Variants in LEF1 observed in about 807,000 individuals in gnomAD.
The protein encoded by LEF1 is lymphoid enhancer binding factor 1, also known as lymphoid enhancer-binding factor 1.
In LEF1, 14 loss-of-function variants were observed where a neutral mutation model predicts 51.2. The ratio of observed to expected loss-of-function variants is 0.27; its 90% CI spans 0.18 to 0.43. The LOEUF (loss-of-function observed/expected upper bound fraction) is 0.43, where lower values mean the gene tolerates loss of function less well. Ranked by LOEUF, LEF1 falls within the 20% of genes least tolerant of loss-of-function variation. The probability of loss-of-function intolerance (pLI) is 1.00; values close to 1 mark genes in which losing one functional copy is unlikely to be tolerated. For missense variants in LEF1, 386 were observed against 512.0 expected (o/e 0.75, Z 2.37); for synonymous variants, 185 against 183.2 (o/e 1.01, Z -0.08).
chr4:108,119,797 G>C (rs1356733138), intron 3 of LEF1, among the ~76,000 whole-genome samples: 1 of 152,024 alleles, frequency 6.6e-6, no homozygotes, highest in African/African-American at 2.4e-5. Flanking sequence ...TTATAATCTT[G>C]AAAATTACTG....
At chr4:108,065,538 C>G (rs6831587) in intron 9 of LEF1, among the ~76,000 whole-genome samples, 1 of 152,052 alleles carries the variant, frequency 6.6e-6, no homozygotes, top group African/African-American at 2.4e-5. Flanking sequence ...TTTGATGTGC[C>G]GTTTCTCAGG....
chr4:108,054,790 A>G (rs972538318), intron 11 of LEF1, among the ~76,000 whole-genome samples: 1 of 152,272 alleles, frequency 6.6e-6, no homozygotes, highest in South Asian at 2.1e-4. Context: ...TAGATTCACA[A>G]AAACGATATA....
chr4:108,048,754 CAAG>C lies in LEF1; in HGVS notation c.*7-6_*7-4del. On this transcript the variant is annotated splice_region_variant and splice_polypyrimidine_tract_variant and intron_variant, in intron 11 of 11. Coordinates refer to ENST00000265165, the MANE Select transcript of LEF1 (RefSeq NM_016269.5). ...TGGGAATGAGCTTCGTTTTCCACCT[CAAG>C]AAGGAACAAATGAAATGCTATTAAT... is the stretch of plus-strand genomic sequence containing the variant. 6.3e-7 allele frequency: 1 copy of C among 1,596,676 alleles called. No individual in the cohort carries two copies. The highest frequency in any genetic ancestry group is 1.7e-4 in the Middle Eastern group (1 of 6,000).
chr4:108,118,004 A>G (rs1477812369), intron 3 of LEF1, among the ~76,000 whole-genome samples: 1 of 152,216 alleles, frequency 6.6e-6, no homozygotes, highest in Non-Finnish European at 1.5e-5. Flanking sequence ...ATAAATGTTC[A>G]GTCCCAATGA....
chr4:108,097,460 G>T (rs1740470584), intron 3 of LEF1, among the ~76,000 whole-genome samples: 1 of 152,172 alleles, frequency 6.6e-6, no homozygotes, highest in Admixed American at 6.6e-5. Context: ...GGGTGAGTGG[G>T]GATGGTTAAT....
intron 3 of LEF1, among the ~76,000 whole-genome samples, chr4:108,147,316 A>G (rs1744055301): frequency 6.6e-6 from 1 of 152,210 alleles, no homozygotes. Flanking sequence ...TCAAATTTGC[A>G]TAGACATTAT....
intron 3 of LEF1, among the ~76,000 whole-genome samples, chr4:108,134,079 G>A (rs1743081825): frequency 6.6e-6 from 1 of 151,124 alleles, no homozygotes; most frequent in South Asian, 2.1e-4. Context: ...TCGCAGTGAA[G>A]CATATAAATA....
At chr4:108,113,945 A>G (rs1470897447) in intron 3 of LEF1, among the ~76,000 whole-genome samples, 1 of 152,228 alleles carries the variant, frequency 6.6e-6, no homozygotes, top group Non-Finnish European at 1.5e-5. Flanking sequence ...AAAAACCACT[A>G]TATGAAGACA....
chr4:108,130,695 A>G (rs1419123148), intron 3 of LEF1, among the ~76,000 whole-genome samples: 1 of 150,872 alleles, frequency 6.6e-6, no homozygotes, highest in East Asian at 2.0e-4. Flanking sequence ...ATGCCACTGC[A>G]CTCCAGCCTG....
chr4:108,126,775 A>G (rs1466816204), intron 3 of LEF1, among the ~76,000 whole-genome samples: 3 of 144,614 alleles, frequency 2.1e-5, no homozygotes, highest in African/African-American at 7.6e-5. Flanking sequence ...AATATAGTCC[A>G]GTCTGGGTGA....
At chr4:108,129,016 C>A (rs139216093) in intron 3 of LEF1, among the ~76,000 whole-genome samples, 3 of 152,124 alleles carry the variant, frequency 2.0e-5, no homozygotes, top group Admixed American at 2.0e-4. Flanking sequence ...GGAAAAATCC[C>A]GGAGAGGGTC....
chr4:108,130,159 T>C (rs1255117998), intron 3 of LEF1, among the ~76,000 whole-genome samples: 2 of 152,098 alleles, frequency 1.3e-5, no homozygotes, highest in Non-Finnish European at 2.9e-5. Context: ...ACTCCCTTCA[T>C]ACAAGGACAT....
chr4:108,070,089 A>G (rs1023150844), intron 9 of LEF1, among the ~76,000 whole-genome samples: 18 of 152,186 alleles, frequency 1.2e-4, no homozygotes, highest in Non-Finnish European at 2.4e-4. Context: ...CATTGAAGGA[A>G]TATTTACATT....
At chr4:108,125,991 T>C (rs984534425) in intron 3 of LEF1, among the ~76,000 whole-genome samples, 1 of 152,220 alleles carries the variant, frequency 6.6e-6, no homozygotes, top group Non-Finnish European at 1.5e-5. Context: ...GTTTAAGTAC[T>C]TAGATGTACA....
intron 9 of LEF1, among the ~76,000 whole-genome samples, chr4:108,067,891 G>A (rs1738186259): frequency 6.6e-6 from 1 of 152,080 alleles, no homozygotes; most frequent in Admixed American, 6.6e-5. Flanking sequence ...GGCATGGCAG[G>A]AGCTCTATAT....
In LEF1 at chr4:108,115,846, TACAC is replaced by T. The variant is rs55839332; in HGVS notation, c.415-26593_415-26590del. On this transcript the variant is annotated intron_variant, in intron 3 of 11. Coordinates refer to ENST00000265165, the MANE Select transcript of LEF1 (RefSeq NM_016269.5). ...AAAGGTCTGCCTATAATGTAACACATACACACACACACACACACACACACACACA... is the reference window on the plus strand; with the variant it reads ...AAAGGTCTGCCTATAATGTAACACATACACACACACACACACACACACACA... Among the ~76,000 whole-genome samples, 559 of 139,350 alleles carry T rather than the reference TACAC, an allele frequency of 4.0e-3. 4 individuals are homozygous for T. The highest frequency in any genetic ancestry group is 0.024 in the East Asian group (110 of 4,642). 91.4% of individuals were successfully genotyped at this position (139,350 alleles called of 152,430 possible). A position where few individuals can be genotyped will look rare whatever the true frequency, so the allele number is the denominator to read the frequency against.
At chr4:108,137,731 T>C (rs1743390415) in intron 3 of LEF1, among the ~76,000 whole-genome samples, 1 of 152,212 alleles carries the variant, frequency 6.6e-6, no homozygotes. Flanking sequence ...TTATATTTTG[T>C]GATTCAAAAT....
In LEF1 at chr4:108,079,510, T is replaced by A; in HGVS notation, c.827A>T (p.Asp276Val). The A allele has an allele frequency of 1.2e-6, 2 of 1,614,088 alleles. No homozygotes were observed. Among genetic ancestry groups the A allele is most frequent in the Non-Finnish European group, 1.7e-6 (2 of 1,180,004 alleles). ...TACTTACACGTGCATTAGGTCACTGTCAGTGTGGGGATGTTCCTGTTTGAC... is the reference window on the plus strand; with the variant it reads ...TACTTACACGTGCATTAGGTCACTGACAGTGTGGGGATGTTCCTGTTTGAC... Reference protein sequence around the residue: ...PQVKQEHPHTDSDLMHVKPQH... With the variant: ...PQVKQEHPHTVSDLMHVKPQH... The change falls in exon 7 of 12, where the codon GAC becomes GTC. Residue 276 changes from aspartate (D) to valine (V), a missense_variant. Coordinates refer to ENST00000265165, the MANE Select transcript of LEF1 (RefSeq NM_016269.5).
At chr4:108,067,814 G>A (rs949636060) in intron 9 of LEF1, among the ~76,000 whole-genome samples, 1 of 151,990 alleles carries the variant, frequency 6.6e-6, no homozygotes, top group Non-Finnish European at 1.5e-5. Flanking sequence ...ACAGGCGTGA[G>A]CCACCATGGC....
Sources: allele counts gnomAD v4.1 joint callset (sites outside exome capture counted in the v4.1 genomes callset), GRCh38; gene constraint gnomAD v4.1.1; transcripts MANE v1.5; gene names NCBI Gene and HGNC (gene_info 2026-07-23, HGNC 2026-07-21).